The following PLSCR1 variants were observed in gnomAD, a reference collection of about 807,000 sequenced individuals.
The protein encoded by PLSCR1 is phospholipid scramblase 1.
PLSCR1 carries 17 observed loss-of-function variants against 37.8 expected under a neutral mutation model. The observed-to-expected ratio is 0.45, with a 90% CI of 0.31 to 0.68. The LOEUF is 0.68. Ranked by LOEUF, PLSCR1 falls within the 30% of genes least tolerant of loss-of-function variation. The pLI is 0.06. For missense variants in PLSCR1, 347 were observed against 380.9 expected, an observed-to-expected ratio of 0.91 and a Z score of 0.74; for synonymous variants, 116 against 125.9, an observed-to-expected ratio of 0.92 and a Z score of 0.53.
chr3:146,523,798 A>G (rs191149585), intron 5 of PLSCR1, among the ~76,000 whole-genome samples: 1 of 152,276 alleles, frequency 6.6e-6, no homozygotes, highest in Admixed American at 6.5e-5. Flanking sequence ...AGGGCTTTCC[A>G]TATCTAACCA....
intron 8 of PLSCR1, chr3:146,516,553 T>G (rs1162037987): frequency 6.0e-6 from 1 of 167,072 alleles, no homozygotes. Context: ...AATTATTTCC[T>G]GTAATTTGGT....
intron 1 of PLSCR1, among the ~76,000 whole-genome samples, chr3:146,539,727 G>T (rs903695391): frequency 6.6e-6 from 1 of 152,078 alleles, no homozygotes; most frequent in African/African-American, 2.4e-5. Flanking sequence ...AGACTTACTG[G>T]CAAAACTACT....
At chr3:146,531,387 G>A (rs2044196640) in intron 3 of PLSCR1, among the ~76,000 whole-genome samples, 1 of 151,674 alleles carries the variant, frequency 6.6e-6, no homozygotes, top group Non-Finnish European at 1.5e-5. Context: ...ATAAAATAGG[G>A]GCTCTACACT....
At chr3:146,525,429 T>G in intron 5 of PLSCR1, 176 bp downstream of exon 5, 1 of 543,582 alleles carries the variant, frequency 1.8e-6, no homozygotes, top group Non-Finnish European at 3.3e-6. Context: ...ATAACAGCAT[T>G]TTACCTTTTG....
chr3:146,526,514 G>A (rs570953552), intron 4 of PLSCR1, among the ~76,000 whole-genome samples: 2 of 152,058 alleles, frequency 1.3e-5, no homozygotes, highest in African/African-American at 2.4e-5. Flanking sequence ...TTTTGAAACA[G>A]TATTTTTTCA....
At chr3:146,520,515 T>A (rs2044004720) in intron 7 of PLSCR1, among the ~76,000 whole-genome samples, 1 of 152,150 alleles carries the variant, frequency 6.6e-6, no homozygotes, top group Admixed American at 6.5e-5. Context: ...CATTATATAA[T>A]CCCCTTATAA....
At chr3:146,536,670 A>T in intron 1 of PLSCR1, 105 bp from the exon 2 acceptor site, 1 of 684,204 alleles carries the variant, frequency 1.5e-6, no homozygotes, top group East Asian at 2.5e-5. Flanking sequence ...TTCATAGGAT[A>T]TTCCTCTTTA....
intron 1 of PLSCR1, among the ~76,000 whole-genome samples, chr3:146,538,943 A>G (rs1241664045): frequency 6.6e-6 from 1 of 152,208 alleles, no homozygotes; most frequent in Non-Finnish European, 1.5e-5. Flanking sequence ...CCTGGTAAAC[A>G]GTGGTCCCCA....
At chr3:146,541,942 T>G (rs2044343026) in intron 1 of PLSCR1, among the ~76,000 whole-genome samples, 1 of 152,170 alleles carries the variant, frequency 6.6e-6, no homozygotes, top group African/African-American at 2.4e-5. Flanking sequence ...CATGGGATGA[T>G]GCAGTAAGAA....
intron 3 of PLSCR1, among the ~76,000 whole-genome samples, chr3:146,529,383 G>C (rs1269031096): frequency 1.3e-5 from 2 of 152,126 alleles, no homozygotes; most frequent in Admixed American, 6.5e-5. Context: ...TACTGCATCT[G>C]GTGGGTAGAG....
At chr3:146,541,642 T>G (rs576772849) in intron 1 of PLSCR1, among the ~76,000 whole-genome samples, 1 of 152,218 alleles carries the variant, frequency 6.6e-6, no homozygotes, top group African/African-American at 2.4e-5. Flanking sequence ...ATCTTTCTTA[T>G]GTAAGACAGA....
In PLSCR1 at chr3:146,516,014, C is replaced by T. The variant is rs1227821719; in HGVS notation, c.*31G>A. Reference sequence around the variant, plus strand: ...ATAGTCTCAATCAATATACAGACTTCAGATTTCCTGAGGAGACTTTCACTA... The same window carrying T: ...ATAGTCTCAATCAATATACAGACTTTAGATTTCCTGAGGAGACTTTCACTA... On this transcript the variant is annotated 3_prime_UTR_variant, in exon 9 of 9. Coordinates refer to ENST00000342435, the MANE Select transcript of PLSCR1 (RefSeq NM_021105.3). The T allele has an allele frequency of 6.9e-7, 1 of 1,451,774 alleles. No individual in the cohort carries two copies. The highest frequency in any genetic ancestry group is 9.7e-7 in the Non-Finnish European group (1 of 1,033,732). The allele number at this position is 1,451,774 out of a possible 1,614,324, so 89.9% of individuals were successfully genotyped here. A position where few individuals can be genotyped will look rare whatever the true frequency, so the allele number is the denominator to read the frequency against.
chr3:146,543,783 C>G (rs2044368081), intron 1 of PLSCR1, among the ~76,000 whole-genome samples: 1 of 152,200 alleles, frequency 6.6e-6, no homozygotes, highest in Non-Finnish European at 1.5e-5. Flanking sequence ...AATAGTTACA[C>G]AATTTCAGAG....
chr3:146,534,746 C>T (rs1024678283), intron 2 of PLSCR1, among the ~76,000 whole-genome samples: 3 of 151,950 alleles, frequency 2.0e-5, no homozygotes, highest in Admixed American at 6.6e-5. Flanking sequence ...CATGGTGGCA[C>T]GCGCCTGTAG....
At chr3:146,540,923 A>G (rs1313647895) in intron 1 of PLSCR1, 1 of 152,172 alleles carries the variant, frequency 6.6e-6, no homozygotes, top group Non-Finnish European at 1.5e-5. Context: ...TAAATTTTGT[A>G]CCTTTAAAAA....
chr3:146,544,036 T>C (rs1041466762), intron 1 of PLSCR1, among the ~76,000 whole-genome samples: 40 of 152,256 alleles, frequency 2.6e-4, no homozygotes, highest in Middle Eastern at 3.4e-3. Flanking sequence ...TATTAACCAT[T>C]CCTTCTAATA....
intron 2 of PLSCR1, among the ~76,000 whole-genome samples, chr3:146,536,131 T>A (rs921305678): frequency 2.0e-5 from 3 of 152,146 alleles, no homozygotes; most frequent in Non-Finnish European, 4.4e-5. Flanking sequence ...CATGTGTCTG[T>A]GATGAAATAT....
At chr3:146,526,462 A>T (rs1053224357) in intron 4 of PLSCR1, among the ~76,000 whole-genome samples, 3 of 152,148 alleles carry the variant, frequency 2.0e-5, no homozygotes, top group Non-Finnish European at 2.9e-5. Flanking sequence ...CAAAAATTAA[A>T]ATTACAGCCA....
rs182477212 is a variant in PLSCR1 at position 146,523,619 on chromosome 3, G to T, written c.356-1566C>A. 2.0e-5 allele frequency among the ~76,000 whole-genome samples: 3 copies of T among 152,314 alleles called. No homozygotes were observed. In the East Asian group the frequency reaches 5.8e-4, roughly 29 times the overall value. The stretch of plus-strand genomic sequence containing the variant: ...TATTCAACTCAACAGTAGTTGTTCA[G>T]AAGTGGGAGGTGGGTATTAGACAAA... On this transcript the variant is annotated intron_variant, in intron 5 of 8. Transcript: ENST00000342435.
Sources: allele counts gnomAD v4.1 joint callset (sites outside exome capture counted in the v4.1 genomes callset), GRCh38; gene constraint gnomAD v4.1.1; transcripts MANE v1.5; gene names NCBI Gene and HGNC (gene_info 2026-07-23, HGNC 2026-07-21).